Variants in TNS1 observed in about 807,000 individuals in gnomAD.
TNS1 encodes the protein tensin-1.
In TNS1, 62 loss-of-function variants were observed where a neutral mutation model predicts 168.6. The ratio of observed to expected loss-of-function variants is 0.37; its 90% CI spans 0.30 to 0.45. The LOEUF (loss-of-function observed/expected upper bound fraction) is 0.45. TNS1 is among the 20% of genes least tolerant of loss of function. The pLI, the probability that TNS1 is intolerant of heterozygous loss-of-function variation, is 1.00. For synonymous variants in TNS1, 934 were observed against 933.2 expected, an observed-to-expected ratio of 1.00 and a Z score of -0.02; for missense variants, 2,240 against 2,339.4, an observed-to-expected ratio of 0.96 and a Z score of 0.88.
chr2:217,864,265 G>A lies in TNS1; in HGVS notation c.1430-15178C>T, dbSNP rs1311839657. 3.9e-5 allele frequency among the ~76,000 whole-genome samples: 6 copies of A among 152,350 alleles called. No individual in the cohort carries two copies. The South Asian group carries it at 1.0e-3, about 26-fold the overall frequency. Reference sequence around the variant, plus strand: ...GCAGTCCTCACTGAATGGGGAGAGGGTATATGGGGCTTTGGGAGCAAGGGC... The same window carrying A: ...GCAGTCCTCACTGAATGGGGAGAGGATATATGGGGCTTTGGGAGCAAGGGC... On this transcript the variant is annotated intron_variant, in intron 18 of 32. Transcript: ENST00000682258.
chr2:217,927,071 C>T (rs1343458131), intron 3 of TNS1, among the ~76,000 whole-genome samples: 2 of 152,242 alleles, frequency 1.3e-5, no homozygotes, highest in East Asian at 3.8e-4. Flanking sequence ...CCCACTACCC[C>T]TGAAAGCCCC....
intron 1 of TNS1, among the ~76,000 whole-genome samples, chr2:218,020,034 C>G (rs549391987): frequency 2.8e-4 from 43 of 152,216 alleles, no homozygotes; most frequent in South Asian, 8.3e-4. Flanking sequence ...TGCAGTGGGT[C>G]GATTGAACAC....
At chr2:217,984,769 C>T (rs1349295687) in intron 2 of TNS1, among the ~76,000 whole-genome samples, 5 of 142,856 alleles carry the variant, frequency 3.5e-5, no homozygotes, top group African/African-American at 1.4e-4. Context: ...TTTTTTTTTC[C>T]CCCCAAGACA....
In TNS1 at chr2:217,847,699, C is replaced by T; in HGVS notation, c.2818G>A (p.Ala940Thr). ...AGGAAGGCAGGCAAGGAGGAAGAGG[C>T]TGGGCTCTTTGAATGGAAATCCTGG... ...PNQDFHSKSPASSSLPAFLPT... is the reference protein window; with the variant it reads ...PNQDFHSKSPTSSSLPAFLPT... Residue 940 changes from alanine (A) to threonine (T), a missense_variant, in exon 19 of 33, where the codon GCC becomes ACC. Ala to Thr is a moderately conservative substitution (Grantham distance 58). This residue lies in a region of TNS1 where 2,131 missense variants were observed against 2,171.2 expected (regional missense o/e 0.98). Transcript: ENST00000682258. 1 of 1,604,998 alleles carries T rather than the reference C, an allele frequency of 6.2e-7. No individual in the cohort carries two copies. The highest frequency in any genetic ancestry group is 8.5e-7 in the Non-Finnish European group (1 of 1,172,586).
chr2:217,958,195 G>A (rs1182591231), intron 3 of TNS1, among the ~76,000 whole-genome samples: 2 of 151,970 alleles, frequency 1.3e-5, no homozygotes, highest in African/African-American at 4.8e-5. Flanking sequence ...TACATAAAAG[G>A]TTTAAAAAAA....
At chr2:217,922,833 C>A (rs560156729) in intron 3 of TNS1, among the ~76,000 whole-genome samples, 1 of 152,272 alleles carries the variant, frequency 6.6e-6, no homozygotes, top group Non-Finnish European at 1.5e-5. Context: ...TGGCCTGCCA[C>A]CCCCGACGGC....
intron 22 of TNS1, among the ~76,000 whole-genome samples, chr2:217,823,562 G>C (rs1225391741): frequency 1.3e-5 from 2 of 152,184 alleles, no homozygotes; most frequent in African/African-American, 4.8e-5. Flanking sequence ...CCTACACCCA[G>C]GCCAGAGGCC....
intron 3 of TNS1, among the ~76,000 whole-genome samples, chr2:217,971,872 G>A (rs919161405): frequency 6.6e-6 from 1 of 152,140 alleles, no homozygotes; most frequent in Non-Finnish European, 1.5e-5. Flanking sequence ...AGGCAAACAA[G>A]CGAAAGACAT....
chr2:217,945,873 T>A (rs141215819), intron 3 of TNS1, among the ~76,000 whole-genome samples: 2 of 152,230 alleles, frequency 1.3e-5, no homozygotes, highest in East Asian at 1.9e-4. Context: ...TGAGGGAAGT[T>A]AGGGGATCCC....
chr2:217,910,408 A>AC (rs1954234514), intron 4 of TNS1, among the ~76,000 whole-genome samples: 1 of 151,726 alleles, frequency 6.6e-6, no homozygotes, highest in African/African-American at 2.4e-5. Flanking sequence ...ATGCTGCCCG[A>AC]CCCTCCTCTG....
rs761331997 is a variant in TNS1, at chr2:217,812,360, G to A, written c.5032+8C>T. The A allele has an allele frequency of 3.7e-5, 59 of 1,613,120 alleles. No homozygotes were observed. The highest frequency in any genetic ancestry group is 2.2e-4 in the East Asian group (10 of 44,856). On this transcript the variant is annotated splice_region_variant and intron_variant, in intron 28 of 32. Coordinates refer to ENST00000682258, the MANE Select transcript of TNS1 (RefSeq NM_001387777.1). ...GTGGGTGGTGAGCCAGGAGTCTCAC[G>A]TTCCTACCTCGGTTTGGAATGACCA...
intron 3 of TNS1, among the ~76,000 whole-genome samples, chr2:217,934,544 C>G (rs1358110647): frequency 1.3e-5 from 2 of 152,214 alleles, no homozygotes; most frequent in African/African-American, 4.8e-5. Context: ...ACTCTGTTCC[C>G]TTTGGGTGGC....
At chr2:217,809,179 G>T (rs1574547007) in intron 30 of TNS1, among the ~76,000 whole-genome samples, 1 of 149,784 alleles carries the variant, frequency 6.7e-6, no homozygotes, top group South Asian at 2.1e-4. Flanking sequence ...AGGGATGGAG[G>T]CATGGATGGA....
chr2:217,949,824 G>A (rs1957198742), intron 3 of TNS1, among the ~76,000 whole-genome samples: 1 of 152,182 alleles, frequency 6.6e-6, no homozygotes, highest in Non-Finnish European at 1.5e-5. Context: ...CTTTATAAAT[G>A]AGCCAGAATT....
chr2:217,804,375 T>C lies in TNS1; in HGVS notation c.*84A>G. ...CGAAATTGGCCCAAAGTCCTCCTTC[T>C]GGGTTCAAGAGTGGTCAGGATTCAT... On this transcript the variant is annotated 3_prime_UTR_variant, in exon 33 of 33. Coordinates refer to ENST00000682258, the MANE Select transcript of TNS1 (RefSeq NM_001387777.1). The C allele has an allele frequency of 6.5e-7, 1 of 1,544,924 alleles. No homozygotes were observed. The highest frequency in any genetic ancestry group is 2.0e-5 in the Admixed American group (1 of 50,334).
At chr2:217,881,613 T>C (rs1021888998) in intron 17 of TNS1, 3 of 153,024 alleles carry the variant, frequency 2.0e-5, no homozygotes, top group African/African-American at 4.8e-5. Context: ...AAATACCTAA[T>C]GCATGCAGAG....
rs2106020685 is a variant in TNS1, at chr2:218,033,927, G to T, written c.49C>A (p.Pro17Thr). The change falls in exon 1 of 2, where the codon CCA (proline) becomes ACA (threonine). Residue 17 changes from proline (P) to threonine (T), a missense_variant. Pro to Thr is a conservative substitution (Grantham distance 38). Coordinates refer to the TNS1 transcript ENST00000649572. This position sits in a 1 kb window ranked among gnomAD's most constrained non-coding sequence, Gnocchi z 4.3. ...CCCGGGGGCTGGGGACCGCAGAGTG[G>T]TCCGGGCCGCAGCTCTTCGCAGCAC... Among the ~76,000 whole-genome samples, 1 of 152,312 alleles carries T rather than the reference G, an allele frequency of 6.6e-6. No individual in the cohort carries two copies. The highest frequency in any genetic ancestry group is 2.1e-4 in the South Asian group (1 of 4,828).
chr2:217,946,969 TCA>T (rs372012573), intron 3 of TNS1, among the ~76,000 whole-genome samples: 87 of 118,816 alleles, frequency 7.3e-4, no homozygotes, highest in South Asian at 1.6e-3. Context: ...TCTCTCTCTC[TCA>T]CACACACACA....
At chr2:218,018,487 A>G (rs1958781436) in intron 1 of TNS1, among the ~76,000 whole-genome samples, 1 of 152,248 alleles carries the variant, frequency 6.6e-6, no homozygotes, top group Non-Finnish European at 1.5e-5. Context: ...TCCAGAAACC[A>G]AAACCTATTT....
Sources: allele counts gnomAD v4.1 joint callset (sites outside exome capture counted in the v4.1 genomes callset), GRCh38; gene constraint gnomAD v4.1.1; regional missense constraint gnomAD v4.1.1; non-coding constraint Gnocchi (gnomAD v3.1); transcripts MANE v1.5; gene names NCBI Gene and HGNC (gene_info 2026-07-23, HGNC 2026-07-21).